Variants in MYO1B observed in about 807,000 individuals in gnomAD.
MYO1B encodes the protein myosin IB, also known as unconventional myosin-Ib.
In MYO1B, 72 loss-of-function variants were observed where a neutral mutation model predicts 159.7. The observed-to-expected ratio is 0.45, with a 90% confidence interval of 0.37 to 0.55. The LOEUF is 0.55. MYO1B is among the 20% of genes least tolerant of loss of function. MYO1B has a pLI of 0.00. For missense variants in MYO1B, 1,062 were observed against 1,364.8 expected, an observed-to-expected ratio of 0.78 and a Z score of 3.50; for synonymous variants, 468 against 473.8, an observed-to-expected ratio of 0.99 and a Z score of 0.16.
intron 1 of MYO1B, among the ~76,000 whole-genome samples, chr2:191,258,968 C>T (rs1350587789): frequency 6.6e-6 from 1 of 152,208 alleles, no homozygotes; most frequent in Non-Finnish European, 1.5e-5. Flanking sequence ...CTATCTTCTG[C>T]AACTCGGATG....
intron 3 of MYO1B, among the ~76,000 whole-genome samples, chr2:191,312,128 A>G (rs1380022079): frequency 6.6e-6 from 1 of 152,202 alleles, no homozygotes; most frequent in East Asian, 1.9e-4. Context: ...AATATATTGC[A>G]TTGATCTTTA....
chr2:191,310,866 A>AT (rs1276147946), intron 3 of MYO1B, among the ~76,000 whole-genome samples: 2 of 152,184 alleles, frequency 1.3e-5, no homozygotes, highest in African/African-American at 2.4e-5. Flanking sequence ...TGTAAATGCA[A>AT]TTTTTTAATG....
At chr2:191,348,582 A>G (rs1574482275) in intron 6 of MYO1B, among the ~76,000 whole-genome samples, 1 of 135,090 alleles carries the variant, frequency 7.4e-6, no homozygotes, top group East Asian at 2.2e-4. Flanking sequence ...GGGCCACATG[A>G]CTGGACTTTT....
intron 2 of MYO1B, among the ~76,000 whole-genome samples, chr2:191,277,939 G>A (rs1427023050): frequency 1.3e-5 from 2 of 152,208 alleles, no homozygotes; most frequent in African/African-American, 4.8e-5. Flanking sequence ...TAGGGAGGAA[G>A]TATAAATAAA....
At chr2:191,294,965 TC>T (rs1421420538) in intron 2 of MYO1B, among the ~76,000 whole-genome samples, 1 of 152,186 alleles carries the variant, frequency 6.6e-6, no homozygotes, top group East Asian at 1.9e-4. Context: ...TCTTTTTGAA[TC>T]CCAGTGGTGG....
At chr2:191,291,493 T>C (rs1404105275) in intron 2 of MYO1B, among the ~76,000 whole-genome samples, 1 of 152,166 alleles carries the variant, frequency 6.6e-6, no homozygotes, top group African/African-American at 2.4e-5. Context: ...CTCCCACATC[T>C]CTTTCCTTTC....
intron 3 of MYO1B, among the ~76,000 whole-genome samples, chr2:191,323,721 T>C (rs907487317): frequency 1.1e-4 from 17 of 152,170 alleles, no homozygotes; most frequent in African/African-American, 3.9e-4. Flanking sequence ...CTTTATTTGA[T>C]GGTTTACTGT....
chr2:191,392,024 C>T (rs1695784904), intron 18 of MYO1B, 84 bp from the exon 19 acceptor site: 2 of 893,464 alleles, frequency 2.2e-6, no homozygotes, highest in Non-Finnish European at 3.4e-6. Flanking sequence ...ATGTTTTATA[C>T]CACTGAGAAC....
chr2:191,342,644 C>T (rs1692294233), intron 5 of MYO1B, among the ~76,000 whole-genome samples: 2 of 152,000 alleles, frequency 1.3e-5, no homozygotes, highest in South Asian at 2.1e-4. Context: ...GCCAGGAGTT[C>T]GAGACCAGCC....
intron 24 of MYO1B, among the ~76,000 whole-genome samples, chr2:191,407,380 A>G (rs1044904867): frequency 1.3e-5 from 2 of 152,220 alleles, no homozygotes; most frequent in Admixed American, 6.5e-5. Flanking sequence ...GATGGTAATA[A>G]ATACTTAAGA....
At chr2:191,345,918 C>T (rs1692537286) in intron 5 of MYO1B, among the ~76,000 whole-genome samples, 1 of 152,072 alleles carries the variant, frequency 6.6e-6, no homozygotes, top group South Asian at 2.1e-4. Context: ...GCTTTGCTTC[C>T]TGGTCACTCA....
At chr2:191,354,446 A>G (rs1252000214) in intron 7 of MYO1B, among the ~76,000 whole-genome samples, 1 of 152,114 alleles carries the variant, frequency 6.6e-6, no homozygotes, top group Non-Finnish European at 1.5e-5. Flanking sequence ...AAATACTTCT[A>G]AATGAATGCT....
intron 1 of MYO1B, among the ~76,000 whole-genome samples, chr2:191,262,614 T>A (rs940126469): frequency 2.7e-5 from 4 of 148,750 alleles, no homozygotes; most frequent in African/African-American, 4.9e-5. Context: ...GTAATGCTTC[T>A]CTCTCCCCGC....
At chr2:191,406,814 T>A (rs1302240941) in intron 24 of MYO1B, among the ~76,000 whole-genome samples, 1 of 152,178 alleles carries the variant, frequency 6.6e-6, no homozygotes, top group Admixed American at 6.5e-5. Context: ...TTGTAAAAAC[T>A]CAATGTCTGC....
At chr2:191,375,611 A>G (rs767687100) in intron 13 of MYO1B, among the ~76,000 whole-genome samples, 10 of 152,198 alleles carry the variant, frequency 6.6e-5, no homozygotes, top group Admixed American at 1.3e-4. Context: ...TATAGTGTAT[A>G]TTTTATGGAT....
chr2:191,362,733 GA>G (rs1693751485), intron 9 of MYO1B, among the ~76,000 whole-genome samples: 1 of 152,046 alleles, frequency 6.6e-6, no homozygotes, highest in Admixed American at 6.6e-5. Context: ...TTTTGAGACA[GA>G]AAAAAATCTT....
chr2:191,370,566 C>G (rs750383791), intron 13 of MYO1B, among the ~76,000 whole-genome samples: 2 of 151,960 alleles, frequency 1.3e-5, no homozygotes, highest in Admixed American at 1.3e-4. Context: ...GGAGACAGTA[C>G]TGCTTAAAAA....
intron 4 of MYO1B, among the ~76,000 whole-genome samples, chr2:191,336,791 T>C (rs1028589189): frequency 3.3e-5 from 5 of 152,202 alleles, no homozygotes; most frequent in African/African-American, 1.2e-4. Flanking sequence ...GCATTCACTC[T>C]TTAGCCCTAA....
intron 2 of MYO1B, among the ~76,000 whole-genome samples, chr2:191,283,662 G>A (rs1324747786): frequency 1.3e-5 from 2 of 152,134 alleles, no homozygotes; most frequent in Non-Finnish European, 1.5e-5. Context: ...AACTGTCCAC[G>A]ATCACACAGC....
Sources: gnomAD v4.1 joint callset for allele counts (sites outside exome capture counted in the v4.1 genomes callset) on GRCh38, gnomAD v4.1.1 for gene constraint, MANE v1.5 for transcripts, NCBI Gene and HGNC (gene_info 2026-07-23, HGNC 2026-07-21) for gene names.